The following DOT1L variants were observed in gnomAD, a reference collection of about 807,000 sequenced individuals.
DOT1L encodes the protein DOT1 like histone lysine methyltransferase, also known as histone-lysine N-methyltransferase, H3 lysine-79 specific.
A neutral mutation model predicts 153.3 loss-of-function variants in DOT1L; 33 were observed. The observed-to-expected ratio is 0.22, with a 90% CI of 0.16 to 0.29. The LOEUF is 0.29. DOT1L is among the 10% of genes least tolerant of loss of function. DOT1L has a pLI of 1.00. For synonymous variants in DOT1L, 1,135 were observed against 965.1 expected, an observed-to-expected ratio of 1.18 and a Z score of -3.26; for missense variants, 1,847 against 2,119.9, an observed-to-expected ratio of 0.87 and a Z score of 2.53.
intron 1 of DOT1L, among the ~76,000 whole-genome samples, chr19:2,165,059 A>G (rs960492): frequency 0.08 from 12,123 of 152,276 alleles, 741 homozygotes; most frequent in African/African-American, 0.16. Context: ...GGGTGGTTCC[A>G]GAAACCCGCG....
In DOT1L at chr19:2,194,504, T is replaced by C; in HGVS notation, c.589-11T>C. ...GAGTTTGTAACGGGCGTTTGGTTTC[T>C]TTCCTTCCAGACCATGGACCGCGAG... On this transcript the variant is annotated splice_polypyrimidine_tract_variant and intron_variant, in intron 6 of 27. Transcript: ENST00000398665. The C allele has an allele frequency of 6.2e-7, 1 of 1,613,946 alleles. No individual in the cohort carries two copies. The highest frequency in any genetic ancestry group is 8.5e-7 in the Non-Finnish European group (1 of 1,179,972).
rs2023444902 is a variant in DOT1L, at chr19:2,205,165, G to C, written c.788-1564G>C. Among the ~76,000 whole-genome samples the C allele has an allele frequency of 2.0e-5, 3 of 152,028 alleles. No individual in the cohort carries two copies. The South Asian group carries it at 6.2e-4, about 32-fold the overall frequency. On this transcript the variant is annotated intron_variant, in intron 9 of 27. Transcript: ENST00000398665. Reference sequence around the variant, plus strand: ...TTTTTGTATTTTTAGTAGAGACAGGGTTTCACTGTGTTAGCCAGGATGGTC... The same window carrying C: ...TTTTTGTATTTTTAGTAGAGACAGGCTTTCACTGTGTTAGCCAGGATGGTC...
intron 9 of DOT1L, among the ~76,000 whole-genome samples, chr19:2,203,320 G>A (rs1033347080): frequency 9.2e-5 from 14 of 152,228 alleles, no homozygotes; most frequent in Middle Eastern, 3.4e-3. Flanking sequence ...GGCTGGTCTC[G>A]AACTCCCGAT....
chr19:2,204,427 C>T lies in DOT1L; in HGVS notation c.787+1648C>T, dbSNP rs1276888937. Reference sequence around the variant, plus strand: ...GAACCACGTGAGGACACCATGCTTCCCCGCCCAGTCGCCCCCACACCCCAG... The same window carrying T: ...GAACCACGTGAGGACACCATGCTTCTCCGCCCAGTCGCCCCCACACCCCAG... On this transcript the variant is annotated intron_variant, in intron 9 of 27. Coordinates refer to ENST00000398665, the MANE Select transcript of DOT1L (RefSeq NM_032482.3). The surrounding 1 kb of genome is among the most constrained non-coding windows in gnomAD (Gnocchi z 5.7). Among the ~76,000 whole-genome samples the T allele has an allele frequency of 6.6e-6, 1 of 152,114 alleles. No homozygotes were observed. The highest frequency in any genetic ancestry group is 1.5e-5 in the Non-Finnish European group (1 of 68,026).
chr19:2,218,476 C>G (rs1332392540), intron 22 of DOT1L, among the ~76,000 whole-genome samples: 1 of 152,008 alleles, frequency 6.6e-6, no homozygotes, highest in African/African-American at 2.4e-5. Context: ...TCACTGCAAG[C>G]TCCACCTCCC....
chr19:2,188,457 G>A (rs1040631855), intron 3 of DOT1L, among the ~76,000 whole-genome samples: 3 of 148,754 alleles, frequency 2.0e-5, no homozygotes, highest in South Asian at 2.2e-4. Context: ...GGACGGAGGC[G>A]GAGGAAAGAG....
chr19:2,184,926 GCCTTTCTTGT>G (rs1462719052), intron 2 of DOT1L, among the ~76,000 whole-genome samples: 1 of 152,196 alleles, frequency 6.6e-6, no homozygotes, highest in African/African-American at 2.4e-5. Context: ...GTCAGCTGTT[GCCTTTCTTGT>G]CCTTTCTTTC....
At chr19:2,187,223 C>T (rs576221608) in intron 3 of DOT1L, among the ~76,000 whole-genome samples, 40 of 152,350 alleles carry the variant, frequency 2.6e-4, no homozygotes, top group South Asian at 1.4e-3. Flanking sequence ...AGAGTCCCCT[C>T]GGATGAGTGG....
rs375512250 is a variant in DOT1L, at chr19:2,217,140, C to T, written c.2544+50C>T. On this transcript the variant is annotated intron_variant, in intron 21 of 27. Transcript: ENST00000398665. This position sits in a 1 kb window ranked among gnomAD's most constrained non-coding sequence, Gnocchi z 7.3. The stretch of plus-strand genomic sequence containing the variant: ...GGCTCAGGGAGGTGCTCAGCAGAGG[C>T]GGCCTGAGCGAGTTGCTAGCAGGAG... The T allele has an allele frequency of 5.9e-4, 893 of 1,515,086 alleles. No individual in the cohort carries two copies. The highest frequency in any genetic ancestry group is 1.4e-3 in the South Asian group (115 of 80,442). 93.9% of individuals were successfully genotyped at this position (1,515,086 alleles called of 1,614,324 possible).
rs2023802734 is a variant in DOT1L at position 2,213,843 on chromosome 19, C to T, written c.1660-6C>T. On this transcript the variant is annotated splice_polypyrimidine_tract_variant and splice_region_variant and intron_variant, in intron 17 of 27. Transcript: ENST00000398665. Reference sequence around the variant, plus strand: ...GCATGACCTCTCCCCCGCCCCATGTCCCCAGCTGGGTGTGAAGGCGCTGAC... The same window carrying T: ...GCATGACCTCTCCCCCGCCCCATGTTCCCAGCTGGGTGTGAAGGCGCTGAC... The T allele has an allele frequency of 6.2e-7, 1 of 1,613,098 alleles. No individual in the cohort carries two copies. Among genetic ancestry groups the T allele is most frequent in the Non-Finnish European group, 8.5e-7 (1 of 1,180,004 alleles).
intron 1 of DOT1L, among the ~76,000 whole-genome samples, chr19:2,168,745 G>T (rs2020019658): frequency 6.6e-6 from 1 of 152,086 alleles, no homozygotes; most frequent in Admixed American, 6.6e-5. Context: ...CTCCCCAGTA[G>T]GTGGGACTAC....
rs1490329475 is a variant in DOT1L at position 2,208,102 on chromosome 19, G to T, written c.963+422G>T. 6.6e-6 allele frequency among the ~76,000 whole-genome samples: 1 copy of T among 152,082 alleles called. No individual in the cohort carries two copies. Among genetic ancestry groups the T allele is most frequent in the Non-Finnish European group, 1.5e-5 (1 of 67,982 alleles). On this transcript the variant is annotated intron_variant, in intron 11 of 27. Transcript: ENST00000398665. This position sits in a 1 kb window ranked among gnomAD's most constrained non-coding sequence, Gnocchi z 4.4. ...CACCAGGGTCCATGGGTGGGGTCTG[G>T]GATGCTTCTTCCCTCCCTGTGTTCC... is the stretch of plus-strand genomic sequence containing the variant.
chr19:2,228,529 G>C, intron 27 of DOT1L: 3 of 1,160,738 alleles, frequency 2.6e-6, no homozygotes, highest in Non-Finnish European at 3.2e-6. Flanking sequence ...GGAGATGGTC[G>C]CGAGAGGAGG....
rs1339722779 is a variant in DOT1L at position 2,211,133 on chromosome 19, G to A, written c.1386G>A (p.Gln462=). The A allele has an allele frequency of 6.2e-7, 1 of 1,613,104 alleles. No homozygotes were observed. The change falls in exon 15 of 28, where the codon CAG becomes CAA. Residue 462 remains glutamine, a synonymous_variant. Coordinates refer to ENST00000398665, the MANE Select transcript of DOT1L (RefSeq NM_032482.3). ...AYRSPHSPFY[Q]LPPSVQRHSP... ...GATCCCCTCACAGCCCGTTCTACCA[G>A]CTACCTCCGAGCGTGCAGCGGCACT...
intron 1 of DOT1L, among the ~76,000 whole-genome samples, chr19:2,168,903 C>T (rs576056997): frequency 7.7e-4 from 117 of 152,294 alleles, no homozygotes; most frequent in Non-Finnish European, 1.2e-3. Flanking sequence ...CATGAGCCAC[C>T]GTGCCTGGCC....
chr19:2,210,737 C>T lies in DOT1L; in HGVS notation c.1233C>T (p.Arg411=), dbSNP rs76375790. The change falls in exon 14 of 28, where the codon CGC becomes CGT. Residue 411 remains arginine, a synonymous_variant. Coordinates refer to ENST00000398665, the MANE Select transcript of DOT1L (RefSeq NM_032482.3). Reference sequence around the variant, plus strand: ...GGAGGAAGATGGCTGGCCGCAAGCGCGGGCGCCCCAAGAAGATGAACACTG... The same window carrying T: ...GGAGGAAGATGGCTGGCCGCAAGCGTGGGCGCCCCAAGAAGATGAACACTG... ...KKGRKMAGRK[R]GRPKKMNTAN... is the part of the protein sequence containing the mutation. 1,494 of 1,613,174 alleles carry T rather than the reference C, an allele frequency of 9.3e-4. 7 individuals are homozygous for T. The highest frequency in any genetic ancestry group is 6.7e-3 in the African/African-American group (506 of 75,064).
Position 2,208,483 on chromosome 19 carries a change from G to A in DOT1L, c.964-452G>A, listed in dbSNP as rs945564885. 6.6e-6 allele frequency among the ~76,000 whole-genome samples: 1 copy of A among 152,136 alleles called. No individual in the cohort carries two copies. Among genetic ancestry groups the A allele is most frequent in the Non-Finnish European group, 1.5e-5 (1 of 68,014 alleles). On this transcript the variant is annotated intron_variant, in intron 11 of 27. Coordinates refer to ENST00000398665, the MANE Select transcript of DOT1L (RefSeq NM_032482.3). The surrounding 1 kb of genome is among the most constrained non-coding windows in gnomAD (Gnocchi z 4.4). ...TCCCCCGAGGGCCCTGGGACGAGAG[G>A]CATGGTGAGCTGAGGCTGAGGCTCT...
In DOT1L at chr19:2,206,901, G is replaced by C. The variant is rs2023518748; in HGVS notation, c.856+104G>C. The stretch of plus-strand genomic sequence containing the variant: ...CCTTGACCCTGTGGACACTGGGGCT[G>C]GATCCTTCTGTGGGGTGGGGCTGTC... On this transcript the variant is annotated intron_variant, in intron 10 of 27. Coordinates refer to ENST00000398665, the MANE Select transcript of DOT1L (RefSeq NM_032482.3). 5.0e-6 allele frequency: 6 copies of C among 1,205,954 alleles called. No homozygotes were observed. In the East Asian group the frequency reaches 1.5e-4, roughly 30 times the overall value. 74.7% of individuals were successfully genotyped at this position (1,205,954 alleles called of 1,614,324 possible).
intron 1 of DOT1L, among the ~76,000 whole-genome samples, chr19:2,172,314 C>T (rs776079953): frequency 3.3e-5 from 5 of 151,764 alleles, no homozygotes; most frequent in African/African-American, 4.8e-5. Context: ...CTCAGCCTCC[C>T]GAGTAGCTGG....
Sources: gnomAD v4.1 joint callset for allele counts (sites outside exome capture counted in the v4.1 genomes callset) on GRCh38, gnomAD v4.1.1 for gene constraint, Gnocchi (gnomAD v3.1) non-coding constraint, MANE v1.5 for transcripts, NCBI Gene and HGNC (gene_info 2026-07-23, HGNC 2026-07-21) for gene names.